Variants in TOMM7 observed in about 807,000 individuals in gnomAD.
The protein encoded by TOMM7 is mitochondrial import receptor subunit TOM7 homolog.
Under a neutral mutation model 9.5 loss-of-function variants are expected in TOMM7, and 8 were observed. The ratio of observed to expected loss-of-function variants is 0.84; its 90% CI spans 0.49 to 1.51. The LOEUF (loss-of-function observed/expected upper bound fraction) is 1.51. Ranked by LOEUF, TOMM7 falls within the 40% of genes most tolerant of loss-of-function variation. The pLI, the probability that TOMM7 is intolerant of heterozygous loss-of-function variation, is 0.00. For synonymous variants in TOMM7, 27 were observed against 21.4 expected, an observed-to-expected ratio of 1.26 and a Z score of -0.72; for missense variants, 74 against 63.7, an observed-to-expected ratio of 1.16 and a Z score of -0.55.
intron 1 of TOMM7, chr7:22,822,176 G>T (rs1178435975): frequency 1.4e-5 from 21 of 1,550,712 alleles, no homozygotes; most frequent in Non-Finnish European, 1.7e-5. Context: ...GGCAGTAATA[G>T]AAATCATCCA....
rs754395991 is a variant in TOMM7, at chr7:22,819,010, G to A, written c.104-962C>T. Among the ~76,000 whole-genome samples the A allele has an allele frequency of 3.9e-5, 6 of 152,082 alleles. No homozygotes were observed. In the South Asian group the frequency reaches 6.2e-4, roughly 16 times the overall value. On this transcript the variant is annotated intron_variant, in intron 1 of 2. Coordinates refer to ENST00000358435, the MANE Select transcript of TOMM7 (RefSeq NM_019059.5). Reference sequence around the variant, plus strand: ...CAAAGACCAATGATAGAAAAAGGACGGGGTGGAGGGCGGGGGGGTTGGCGG... The same window carrying A: ...CAAAGACCAATGATAGAAAAAGGACAGGGTGGAGGGCGGGGGGGTTGGCGG...
chr7:22,815,748 C>G (rs532600067), intron 2 of TOMM7, among the ~76,000 whole-genome samples: 15 of 151,864 alleles, frequency 9.9e-5, no homozygotes, highest in African/African-American at 2.9e-4. Flanking sequence ...TTCGGGAGGT[C>G]GAGGCAGGAT....
intron 2 of TOMM7, among the ~76,000 whole-genome samples, chr7:22,814,127 G>A (rs745983556): frequency 2.0e-5 from 3 of 148,622 alleles, no homozygotes; most frequent in Admixed American, 6.7e-5. Flanking sequence ...CTGAGCCCAC[G>A]AGTTCGAAAC....
rs766607637 is a variant in TOMM7, at chr7:22,813,049, TG to T, written c.*120del. Reference sequence around the variant, plus strand: ...TTCCACTCTGCTACAGATGCGTCTGTGAAGAGCCTTGTGCCATCCAACTAGT... The same window carrying T: ...TTCCACTCTGCTACAGATGCGTCTGTAAGAGCCTTGTGCCATCCAACTAGT... On this transcript the variant is annotated 3_prime_UTR_variant, in exon 3 of 3. Coordinates refer to ENST00000358435, the MANE Select transcript of TOMM7 (RefSeq NM_019059.5). The T allele has an allele frequency of 4.2e-6, 4 of 952,598 alleles. No homozygotes were observed. The East Asian group carries it at 9.6e-5, about 23-fold the overall frequency. 59.0% of individuals were successfully genotyped at this position (952,598 alleles called of 1,614,324 possible).
chr7:22,818,903 T>C (rs935658365), intron 1 of TOMM7, among the ~76,000 whole-genome samples: 38 of 151,844 alleles, frequency 2.5e-4, no homozygotes, highest in African/African-American at 8.7e-4. Context: ...TGAACCACCA[T>C]GCCTGGAGGA....
At chr7:22,820,895 G>T (rs149355582) in intron 1 of TOMM7, among the ~76,000 whole-genome samples, 2 of 152,270 alleles carry the variant, frequency 1.3e-5, no homozygotes, top group African/African-American at 4.8e-5. Flanking sequence ...GCAACTCATG[G>T]AGAAATAGAA....
chr7:22,820,086 A>G (rs1285090315), intron 1 of TOMM7, among the ~76,000 whole-genome samples: 2 of 152,232 alleles, frequency 1.3e-5, no homozygotes, highest in Non-Finnish European at 2.9e-5. Context: ...CTATAATCCC[A>G]GCACTTTGGG....
chr7:22,821,604 C>T (rs574082049), intron 1 of TOMM7, among the ~76,000 whole-genome samples: 1 of 151,810 alleles, frequency 6.6e-6, no homozygotes, highest in South Asian at 2.1e-4. Context: ...TAAACATTAG[C>T]CGCGAGCGGT....
rs1481260711 is a variant in TOMM7, at chr7:22,813,193, G to A, written c.153-8C>T. 1.2e-6 allele frequency: 2 copies of A among 1,611,092 alleles called. No individual in the cohort carries two copies. The highest frequency in any genetic ancestry group is 1.7e-6 in the Non-Finnish European group (2 of 1,178,856). ...CTTTATCCCCAAAGTAGGCTAAAAT[G>A]TTTGTGAAGAGAAGAAAGAAATTAA... On this transcript the variant is annotated splice_region_variant and splice_polypyrimidine_tract_variant and intron_variant, in intron 2 of 2. Transcript: ENST00000358435.
chr7:22,819,332 A>C (rs1782356292), intron 1 of TOMM7, among the ~76,000 whole-genome samples: 1 of 152,122 alleles, frequency 6.6e-6, no homozygotes, highest in Non-Finnish European at 1.5e-5. Flanking sequence ...AAAGATAACA[A>C]ACTGGCCTGC....
chr7:22,821,935 G>A (rs1782398052), intron 1 of TOMM7, among the ~76,000 whole-genome samples: 1 of 152,106 alleles, frequency 6.6e-6, no homozygotes, highest in African/African-American at 2.4e-5. Flanking sequence ...AGGAGGGGAA[G>A]GTTGCAATGA....
chr7:22,820,602 G>A (rs745699975), intron 1 of TOMM7, among the ~76,000 whole-genome samples: 8 of 152,118 alleles, frequency 5.3e-5, no homozygotes, highest in Non-Finnish European at 7.4e-5. Flanking sequence ...CAAAGAAGGG[G>A]AAGAATCAAG....
At chr7:22,819,022 G>A (rs948558627) in intron 1 of TOMM7, among the ~76,000 whole-genome samples, 3 of 151,670 alleles carry the variant, frequency 2.0e-5, no homozygotes, top group Non-Finnish European at 2.9e-5. Flanking sequence ...GGTGGAGGGC[G>A]GGGGGGTTGG....
chr7:22,816,537 T>C (rs1311922337), intron 2 of TOMM7, among the ~76,000 whole-genome samples: 1 of 152,206 alleles, frequency 6.6e-6, no homozygotes, highest in African/African-American at 2.4e-5. Flanking sequence ...CTAAAAGTCA[T>C]GCCATAAACA....
chr7:22,822,215 G>A, intron 1 of TOMM7: 1 of 1,550,966 alleles, frequency 6.4e-7, no homozygotes, highest in Non-Finnish European at 8.7e-7. Flanking sequence ...TAAGAAAGCA[G>A]AGGCATCCAA....
At chr7:22,820,328 A>C (rs1346451939) in intron 1 of TOMM7, among the ~76,000 whole-genome samples, 1 of 152,192 alleles carries the variant, frequency 6.6e-6, no homozygotes, top group Non-Finnish European at 1.5e-5. Context: ...TAGTCCTAGG[A>C]AGGGAATATA....
At chr7:22,818,813 T>C (rs1782349125) in intron 1 of TOMM7, among the ~76,000 whole-genome samples, 1 of 152,092 alleles carries the variant, frequency 6.6e-6, no homozygotes, top group Non-Finnish European at 1.5e-5. Flanking sequence ...GGTTTCACTA[T>C]ACAGTTCAAG....
Position 22,813,133 on chromosome 7 carries a change from G to C in TOMM7, c.*37C>G. ...AGAGCACACATCTTCCATGCTGTCCGCTGATTGCCTCCAAATCCAGAAGAC... is the reference window on the plus strand; with the variant it reads ...AGAGCACACATCTTCCATGCTGTCCCCTGATTGCCTCCAAATCCAGAAGAC... On this transcript the variant is annotated 3_prime_UTR_variant, in exon 3 of 3. Transcript: ENST00000358435. 1 of 1,611,770 alleles carries C rather than the reference G, an allele frequency of 6.2e-7. No individual in the cohort carries two copies. The highest frequency in any genetic ancestry group is 8.5e-7 in the Non-Finnish European group (1 of 1,177,958).
rs773620062 is a variant in TOMM7 at position 22,813,091 on chromosome 7, C to G, written c.*79G>C. 17 of 1,467,376 alleles carry G rather than the reference C, an allele frequency of 1.2e-5. No individual in the cohort carries two copies. The South Asian group carries it at 1.9e-4, about 17-fold the overall frequency. 90.9% of individuals were successfully genotyped at this position (1,467,376 alleles called of 1,614,324 possible). On this transcript the variant is annotated 3_prime_UTR_variant, in exon 3 of 3. Transcript: ENST00000358435. ...TCCAACTAGTGACTGAATGATGTCC[C>G]ATCTCTTATCCGAGCCAGAGCACAC... is the stretch of plus-strand genomic sequence containing the variant.
Sources: gnomAD v4.1 joint callset for allele counts (sites outside exome capture counted in the v4.1 genomes callset) on GRCh38, gnomAD v4.1.1 for gene constraint, MANE v1.5 for transcripts, NCBI Gene and HGNC (gene_info 2026-07-23, HGNC 2026-07-21) for gene names.